Variants in PCLO observed in about 807,000 individuals in gnomAD.
PCLO encodes protein piccolo.
Under a neutral mutation model 427.5 loss-of-function variants are expected in PCLO, and 82 were observed. That is an observed-to-expected ratio of 0.19 (90% CI 0.16 to 0.23). PCLO has a LOEUF of 0.23. Ranked by LOEUF, PCLO falls within the 10% of genes least tolerant of loss-of-function variation. The pLI is 1.00. For missense variants in PCLO, 6,239 were observed against 6,115.9 expected, an observed-to-expected ratio of 1.02 and a Z score of -0.67; for synonymous variants, 2,357 against 2,155.4, an observed-to-expected ratio of 1.09 and a Z score of -2.59.
At chr7:82,780,763 A>G (rs1790856399) in intron 22 of PCLO, among the ~76,000 whole-genome samples, 1 of 152,214 alleles carries the variant, frequency 6.6e-6, no homozygotes, top group South Asian at 2.1e-4. Flanking sequence ...AAGCCCACAT[A>G]TGTCTGACAT....
chr7:83,141,793 C>T (rs926677857), intron 2 of PCLO, among the ~76,000 whole-genome samples: 12 of 152,108 alleles, frequency 7.9e-5, no homozygotes, highest in African/African-American at 2.9e-4. Flanking sequence ...TTGTGAACTT[C>T]ACATAAAGAG....
chr7:83,109,138 C>A (rs1327218481), intron 3 of PCLO, among the ~76,000 whole-genome samples: 1 of 152,134 alleles, frequency 6.6e-6, no homozygotes, highest in Admixed American at 6.6e-5. Flanking sequence ...CCCCAAAACT[C>A]AAACTCAGAT....
chr7:83,150,128 C>T (rs1792092816), intron 2 of PCLO, among the ~76,000 whole-genome samples: 1 of 152,154 alleles, frequency 6.6e-6, no homozygotes, highest in Non-Finnish European at 1.5e-5. Context: ...AATTACCAAA[C>T]ATTAGGGACA....
chr7:83,064,033 G>A (rs561836210), intron 3 of PCLO, among the ~76,000 whole-genome samples: 1 of 152,048 alleles, frequency 6.6e-6, no homozygotes, highest in African/African-American at 2.4e-5. Flanking sequence ...CCTTCCATGG[G>A]CAAGCTCCTA....
In PCLO at chr7:82,774,476, G is replaced by A. The variant is rs536719992; in HGVS notation, c.15008-12983C>T. On this transcript the variant is annotated intron_variant, in intron 22 of 24. Transcript: ENST00000333891. ...GGGTAACTTTATCCTTGTATAAGTCGGGATAGACTAGATTCTGCTGCAGCA... is the reference window on the plus strand; with the variant it reads ...GGGTAACTTTATCCTTGTATAAGTCAGGATAGACTAGATTCTGCTGCAGCA... 7.2e-5 allele frequency among the ~76,000 whole-genome samples: 11 copies of A among 152,178 alleles called. No individual in the cohort carries two copies. The South Asian group carries it at 1.7e-3, about 23-fold the overall frequency.
chr7:83,022,644 C>CA (rs1428012104), intron 3 of PCLO, among the ~76,000 whole-genome samples: 1 of 152,128 alleles, frequency 6.6e-6, no homozygotes, highest in African/African-American at 2.4e-5. Context: ...TACAATATTC[C>CA]ATATTTTCTT....
At chr7:82,891,029 C>A (rs964862565) in intron 9 of PCLO, among the ~76,000 whole-genome samples, 26 of 151,916 alleles carry the variant, frequency 1.7e-4, no homozygotes, top group African/African-American at 6.0e-4. Context: ...GCAAATAAGA[C>A]CATTATTACA....
At chr7:82,760,345 T>C (rs1398265068) in intron 24 of PCLO, among the ~76,000 whole-genome samples, 1 of 151,814 alleles carries the variant, frequency 6.6e-6, no homozygotes, top group Non-Finnish European at 1.5e-5. Context: ...GATGAAATGA[T>C]TTGAATAACA....
At chr7:82,909,329 A>C (rs1245051865) in intron 7 of PCLO, among the ~76,000 whole-genome samples, 1 of 152,082 alleles carries the variant, frequency 6.6e-6, no homozygotes, top group Non-Finnish European at 1.5e-5. Context: ...TAAATGATCA[A>C]GTGGTCATTC....
intron 22 of PCLO, among the ~76,000 whole-genome samples, chr7:82,779,390 G>T (rs1170894284): frequency 6.6e-6 from 1 of 151,952 alleles, no homozygotes; most frequent in Admixed American, 6.6e-5. Context: ...AACTTTAGAT[G>T]CATTTTCTGT....
intron 20 of PCLO, among the ~76,000 whole-genome samples, chr7:82,808,088 T>C (rs1791492699): frequency 6.6e-6 from 1 of 151,902 alleles, no homozygotes; most frequent in Non-Finnish European, 1.5e-5. Context: ...GATTAGTCAA[T>C]TGATTATAAA....
At chr7:82,801,315 T>G (rs1791345934) in intron 22 of PCLO, among the ~76,000 whole-genome samples, 1 of 151,646 alleles carries the variant, frequency 6.6e-6, no homozygotes, top group African/African-American at 2.4e-5. Context: ...CAAGTTACTT[T>G]AATGTTAAAC....
chr7:82,799,277 C>T (rs1791292592), intron 22 of PCLO, among the ~76,000 whole-genome samples: 1 of 152,188 alleles, frequency 6.6e-6, no homozygotes, highest in Non-Finnish European at 1.5e-5. Flanking sequence ...CAAACATTCT[C>T]TAAGCAACTC....
At position 82,755,271 on chromosome 7, in the gene PCLO, A is replaced by G. The variant is rs1301885741; in HGVS notation, c.*3304T>C. 1 of 152,150 alleles carries G rather than the reference A, an allele frequency of 6.6e-6. No individual in the cohort carries two copies. Among genetic ancestry groups the G allele is most frequent in the African/African-American group, 2.4e-5 (1 of 41,448 alleles). 9.4% of individuals were successfully genotyped at this position (152,150 alleles called of 1,614,324 possible). A position where few individuals can be genotyped will look rare whatever the true frequency, so the allele number is the denominator to read the frequency against. On this transcript the variant is annotated 3_prime_UTR_variant, in exon 25 of 25. Coordinates refer to ENST00000333891, the MANE Select transcript of PCLO (RefSeq NM_033026.6). ...CGTTTAATTAGTGTAATTTATTAAA[A>G]TATGGGCAATATTAAAGAGTAAAGA... is the stretch of plus-strand genomic sequence containing the variant.
Position 82,875,781 on chromosome 7 carries a change from A to G in PCLO, c.13654+3556T>C, listed in dbSNP as rs556055663. ...ATCACATTGTAACTCATAAATCTAT[A>G]CAGGTATTATTGTCAATTAAAAATC... On this transcript the variant is annotated intron_variant, in intron 10 of 24. Transcript: ENST00000333891. 4.6e-5 allele frequency among the ~76,000 whole-genome samples: 7 copies of G among 152,004 alleles called. No homozygotes were observed. The East Asian group carries it at 1.4e-3, about 29-fold the overall frequency.
chr7:82,922,199 A>G (rs1002882672), intron 6 of PCLO, among the ~76,000 whole-genome samples: 1 of 152,016 alleles, frequency 6.6e-6, no homozygotes, highest in African/African-American at 2.4e-5. Context: ...AGAACTTAAA[A>G]AAAACCCTAC....
At chr7:83,152,158 G>T (rs1489156197) in intron 2 of PCLO, among the ~76,000 whole-genome samples, 2 of 151,760 alleles carry the variant, frequency 1.3e-5, no homozygotes, top group Non-Finnish European at 2.9e-5. Context: ...TAGAGACGGG[G>T]TTTCACTGTG....
chr7:83,003,246 T>C (rs772952376), intron 3 of PCLO, among the ~76,000 whole-genome samples: 1 of 151,536 alleles, frequency 6.6e-6, no homozygotes. Context: ...TACGTTTATA[T>C]GTAATATTAT....
intron 3 of PCLO, among the ~76,000 whole-genome samples, chr7:83,001,397 G>T (rs192130025): frequency 6.6e-6 from 1 of 151,782 alleles, no homozygotes; most frequent in East Asian, 1.9e-4. Context: ...AAATCTTCAT[G>T]ACTAATTCAC....
Sources: gnomAD v4.1 joint callset for allele counts (sites outside exome capture counted in the v4.1 genomes callset) on GRCh38, gnomAD v4.1.1 for gene constraint, MANE v1.5 for transcripts, NCBI Gene and HGNC (gene_info 2026-07-23, HGNC 2026-07-21) for gene names.